The following CHCHD7 variants were observed in gnomAD, a reference collection of about 807,000 sequenced individuals.
CHCHD7 encodes the protein coiled-coil-helix-coiled-coil-helix domain containing 7.
A neutral mutation model predicts 10.5 loss-of-function variants in CHCHD7; 7 were observed. The observed-to-expected ratio is 0.67, with a 90% CI of 0.38 to 1.25. CHCHD7 has a LOEUF of 1.25. CHCHD7 is among the 50% of genes most tolerant of loss of function. The pLI is 0.02. For synonymous variants in CHCHD7, 40 were observed against 36.0 expected (o/e 1.11, Z -0.40); for missense variants, 100 against 104.5 (o/e 0.96, Z 0.19).
chr8:56,216,382 CT>C, intron 2 of CHCHD7, 50 bp from the exon 3 acceptor site: 1 of 1,606,268 alleles, frequency 6.2e-7, no homozygotes, highest in Non-Finnish European at 8.5e-7. Flanking sequence ...TGTTTGTTTG[CT>C]TTTAGATCCT....
chr8:56,215,971 G>A (rs1813321439), intron 2 of CHCHD7, among the ~76,000 whole-genome samples: 1 of 152,302 alleles, frequency 6.6e-6, no homozygotes, highest in East Asian at 1.9e-4. Context: ...TTGTCTTGTT[G>A]TAGACCAGTT....
At position 56,218,581 on chromosome 8, in the gene CHCHD7, T is replaced by G. The variant is rs900310584; in HGVS notation, c.*1146T>G. ...AAGCCACATGACCTTGATTGTTAAATGTAGTTATATTTGAATAAAAAATGA... is the reference window on the plus strand; with the variant it reads ...AAGCCACATGACCTTGATTGTTAAAGGTAGTTATATTTGAATAAAAAATGA... On this transcript the variant is annotated 3_prime_UTR_variant, in exon 4 of 4. Transcript: ENST00000355315. 9.7e-6 allele frequency: 2 copies of G among 206,590 alleles called. No homozygotes were observed. The highest frequency in any genetic ancestry group is 1.9e-4 in the South Asian group (1 of 5,290). 12.8% of individuals were successfully genotyped at this position (206,590 alleles called of 1,614,324 possible). A position where few individuals can be genotyped will look rare whatever the true frequency, so the allele number is the denominator to read the frequency against.
chr8:56,214,703 G>A (rs759082213), intron 2 of CHCHD7, 36 bp downstream of exon 2: 1 of 1,560,016 alleles, frequency 6.4e-7, no homozygotes, highest in South Asian at 1.1e-5. Flanking sequence ...TGAGTGTTAA[G>A]TTGGAAAAAC....
In CHCHD7 at chr8:56,217,382, A is replaced by G. The variant is rs767899194; in HGVS notation, c.205A>G (p.Thr69Ala). Residue 69 changes from threonine (T) to alanine (A), a missense_variant, in exon 4 of 4, where the codon ACG becomes GCG. By Grantham distance (58) the Thr-to-Ala change is moderately conservative. Transcript: ENST00000355315. ...GAACGGAGTGAAGCCATTTATGCCT[A>G]CGGCAGCAGAAAGAGATGAAATCTT... is the stretch of plus-strand genomic sequence containing the variant. The part of the protein sequence containing the change: ...RKNGVKPFMP[T>A]AAERDEILRA... 6.2e-7 allele frequency: 1 copy of G among 1,612,882 alleles called. No homozygotes were observed. The highest frequency in any genetic ancestry group is 8.5e-7 in the Non-Finnish European group (1 of 1,178,846).
At chr8:56,212,596 C>G (rs894959440) in intron 1 of CHCHD7, 1 of 397,596 alleles carries the variant, frequency 2.5e-6, no homozygotes, top group African/African-American at 2.0e-5. Flanking sequence ...TCCTTCATAT[C>G]TTTGCTTGGT....
At chr8:56,214,332 A>G (rs1355817194) in intron 1 of CHCHD7, 13 of 247,876 alleles carry the variant, frequency 5.2e-5, no homozygotes, top group Non-Finnish European at 7.8e-5. Flanking sequence ...CAGCCTCCCA[A>G]AGTGCTGGGA....
In CHCHD7 at chr8:56,217,324, TACACAGAATTCTATCGTGATGC is replaced by T. The variant is rs1361400711; in HGVS notation, c.154-5_170del. On this transcript the variant is annotated splice_acceptor_variant and splice_polypyrimidine_tract_variant and coding_sequence_variant and intron_variant, in exon 4 of 4. Coordinates refer to ENST00000355315, the MANE Select transcript of CHCHD7 (RefSeq NM_001011671.3). LOFTEE classifies it high-confidence loss of function. ...TTCTTCTTTTTTATTTTAATGCCTGTACACAGAATTCTATCGTGATGCAGAGAAGAAAGAACGGAGTGAAGCC... is the reference window on the plus strand; with the variant it reads ...TTCTTCTTTTTTATTTTAATGCCTGTAGAGAAGAAAGAACGGAGTGAAGCC... The T allele has an allele frequency of 6.4e-7, 1 of 1,571,170 alleles. No individual in the cohort carries two copies. Among genetic ancestry groups the T allele is most frequent in the South Asian group, 1.1e-5 (1 of 89,736 alleles).
intron 2 of CHCHD7, 127 bp from the exon 3 acceptor site, chr8:56,216,306 C>T: frequency 1.4e-6 from 2 of 1,397,468 alleles, no homozygotes; most frequent in Non-Finnish European, 1.9e-6. Flanking sequence ...TTAGTCTACC[C>T]ATCAAAATGA....
chr8:56,212,703 C>G (rs1455927004), intron 1 of CHCHD7: 1 of 618,518 alleles, frequency 1.6e-6, no homozygotes, highest in East Asian at 2.7e-5. Flanking sequence ...GCGGAGCACT[C>G]GATGTTGTAA....
At position 56,218,309 on chromosome 8, in the gene CHCHD7, C is replaced by T. The variant is rs1005998296; in HGVS notation, c.*874C>T. On this transcript the variant is annotated 3_prime_UTR_variant, in exon 4 of 4. Coordinates refer to ENST00000355315, the MANE Select transcript of CHCHD7 (RefSeq NM_001011671.3). ...TTCACTTTATGATATAAACACAATA[C>T]GATTATTCAATGTGGTGACTGGGGT... 9 of 228,930 alleles carry T rather than the reference C, an allele frequency of 3.9e-5. No homozygotes were observed. The highest frequency in any genetic ancestry group is 3.6e-4 in the South Asian group (2 of 5,496). The allele number at this position is 228,930 out of a possible 1,614,324, so 14.2% of individuals were successfully genotyped here.
chr8:56,215,206 TATC>T (rs1413679944), intron 2 of CHCHD7: 1 of 153,210 alleles, frequency 6.5e-6, no homozygotes, highest in Non-Finnish European at 1.5e-5. Context: ...ATAATGTAGT[TATC>T]ATACTGGTCC....
rs1813495842 is a variant in CHCHD7, at chr8:56,218,603, A to G, written c.*1168A>G. 4 of 202,866 alleles carry G rather than the reference A, an allele frequency of 2.0e-5. No homozygotes were observed. The East Asian group carries it at 3.1e-4, about 16-fold the overall frequency. The allele number at this position is 202,866 out of a possible 1,614,324, so 12.6% of individuals were successfully genotyped here. Reference sequence around the variant, plus strand: ...AAATGTAGTTATATTTGAATAAAAAATGAATCATTTCCAAAATTCTTTTGA... The same window carrying G: ...AAATGTAGTTATATTTGAATAAAAAGTGAATCATTTCCAAAATTCTTTTGA... On this transcript the variant is annotated 3_prime_UTR_variant, in exon 4 of 4. Coordinates refer to ENST00000355315, the MANE Select transcript of CHCHD7 (RefSeq NM_001011671.3).
At position 56,218,459 on chromosome 8, in the gene CHCHD7, G is replaced by A. The variant is rs916709157; in HGVS notation, c.*1024G>A. 9.4e-6 allele frequency: 2 copies of A among 212,194 alleles called. No individual in the cohort carries two copies. Among genetic ancestry groups the A allele is most frequent in the South Asian group, 1.9e-4 (1 of 5,284 alleles). The allele number at this position is 212,194 out of a possible 1,614,324, so 13.1% of individuals were successfully genotyped here. A position where few individuals can be genotyped will look rare whatever the true frequency, so the allele number is the denominator to read the frequency against. Reference sequence around the variant, plus strand: ...ATGTGTACTTGAAAACATTGCTTTTGTCCCTTCTCTTCATCTGGTCTTGGG... The same window carrying A: ...ATGTGTACTTGAAAACATTGCTTTTATCCCTTCTCTTCATCTGGTCTTGGG... On this transcript the variant is annotated 3_prime_UTR_variant, in exon 4 of 4. Transcript: ENST00000355315.
Position 56,217,537 on chromosome 8 carries a change from C to A in CHCHD7, c.*102C>A, listed in dbSNP as rs1813429151. 1 of 700,286 alleles carries A rather than the reference C, an allele frequency of 1.4e-6. No individual in the cohort carries two copies. The highest frequency in any genetic ancestry group is 2.9e-5 in the East Asian group (1 of 34,294). 43.4% of individuals were successfully genotyped at this position (700,286 alleles called of 1,614,324 possible). On this transcript the variant is annotated 3_prime_UTR_variant, in exon 4 of 4. Coordinates refer to ENST00000355315, the MANE Select transcript of CHCHD7 (RefSeq NM_001011671.3). ...ACTGTACACCCCTCACCCAGACAGACCTTAAGTTCTTCAAGTGGAGACAGT... is the reference window on the plus strand; with the variant it reads ...ACTGTACACCCCTCACCCAGACAGAACTTAAGTTCTTCAAGTGGAGACAGT...
intron 3 of CHCHD7, 85 bp downstream of exon 3, chr8:56,216,616 C>A: frequency 7.3e-7 from 1 of 1,360,692 alleles, no homozygotes; most frequent in Non-Finnish European, 1.1e-6. Flanking sequence ...ACCCACAATC[C>A]TTTCCCACTG....
intron 1 of CHCHD7, chr8:56,214,176 C>T (rs1308110850): frequency 6.5e-6 from 1 of 153,160 alleles, no homozygotes; most frequent in Non-Finnish European, 1.5e-5. Flanking sequence ...CCTGGGCTAT[C>T]CCACCTTACT....
rs187993534 is a variant in CHCHD7, at chr8:56,218,187, T to C, written c.*752T>C. 2 of 227,520 alleles carry C rather than the reference T, an allele frequency of 8.8e-6. No individual in the cohort carries two copies. Among genetic ancestry groups the C allele is most frequent in the African/African-American group, 4.4e-5 (2 of 45,036 alleles). 14.1% of individuals were successfully genotyped at this position (227,520 alleles called of 1,614,324 possible). A position where few individuals can be genotyped will look rare whatever the true frequency, so the allele number is the denominator to read the frequency against. ...AGTAATGGGAAGAAAGACAAATGGATTCCCTTAGAAGTAAGATTTCTATTT... is the reference window on the plus strand; with the variant it reads ...AGTAATGGGAAGAAAGACAAATGGACTCCCTTAGAAGTAAGATTTCTATTT... On this transcript the variant is annotated 3_prime_UTR_variant, in exon 4 of 4. Coordinates refer to ENST00000355315, the MANE Select transcript of CHCHD7 (RefSeq NM_001011671.3).
intron 1 of CHCHD7, chr8:56,212,277 C>G (rs903750308): frequency 1.3e-5 from 2 of 153,264 alleles, no homozygotes; most frequent in Non-Finnish European, 2.9e-5. Context: ...TTGCCCTGCG[C>G]GCCCACCTCC....
rs923189663 is a variant in CHCHD7, at chr8:56,218,330, G to A, written c.*895G>A. On this transcript the variant is annotated 3_prime_UTR_variant, in exon 4 of 4. Transcript: ENST00000355315. ...AATACGATTATTCAATGTGGTGACTGGGGTAGACTGTGAAGCAGCCCTCCT... is the reference window on the plus strand; with the variant it reads ...AATACGATTATTCAATGTGGTGACTAGGGTAGACTGTGAAGCAGCCCTCCT... 2 of 228,646 alleles carry A rather than the reference G, an allele frequency of 8.7e-6. No individual in the cohort carries two copies. The highest frequency in any genetic ancestry group is 5.7e-5 in the Admixed American group (1 of 17,624). The allele number at this position is 228,646 out of a possible 1,614,324, so 14.2% of individuals were successfully genotyped here.
Sources: allele counts gnomAD v4.1 joint callset (sites outside exome capture counted in the v4.1 genomes callset), GRCh38; gene constraint gnomAD v4.1.1; transcripts MANE v1.5; gene names NCBI Gene and HGNC (gene_info 2026-07-23, HGNC 2026-07-21).